The following CHMP3 variants were observed in gnomAD, a reference collection of about 807,000 sequenced individuals.
The protein encoded by CHMP3 is 25.1 protein.
Under a neutral mutation model 27.4 loss-of-function variants are expected in CHMP3, and 8 were observed. The ratio of observed to expected loss-of-function variants is 0.29; its 90% CI spans 0.17 to 0.53. The LOEUF (loss-of-function observed/expected upper bound fraction) is 0.53. CHMP3 is among the 20% of genes least tolerant of loss of function. The pLI, the probability that CHMP3 is intolerant of heterozygous loss-of-function variation, is 0.96. For synonymous variants in CHMP3, 86 were observed against 85.5 expected (o/e 1.01, Z -0.03); for missense variants, 208 against 271.5 (o/e 0.77, Z 1.64).
rs1202968627 is a variant in CHMP3, at chr2:86,514,481, C to A, written c.287-4002G>T. Among the ~76,000 whole-genome samples the A allele has an allele frequency of 8.5e-5, 13 of 152,272 alleles. No individual in the cohort carries two copies. The South Asian group carries it at 2.5e-3, about 29-fold the overall frequency. Reference sequence around the variant, plus strand: ...ACTATCCTCAAATAGACTGTACAAACCCATTAAGACCACAGTGGATTCACA... The same window carrying A: ...ACTATCCTCAAATAGACTGTACAAAACCATTAAGACCACAGTGGATTCACA... On this transcript the variant is annotated intron_variant, in intron 3 of 5. Transcript: ENST00000263856.
chr2:86,531,091 T>C (rs1173274742), intron 2 of CHMP3, among the ~76,000 whole-genome samples: 3 of 152,192 alleles, frequency 2.0e-5, no homozygotes, highest in Non-Finnish European at 4.4e-5. Flanking sequence ...ATCAGATAAA[T>C]GATTTGCAAA....
intron 2 of CHMP3, among the ~76,000 whole-genome samples, chr2:86,533,326 G>T (rs1675998823): frequency 6.6e-6 from 1 of 152,098 alleles, no homozygotes; most frequent in South Asian, 2.1e-4. Flanking sequence ...AGTCAATCTA[G>T]TTAAGGTGTA....
chr2:86,516,297 C>T (rs974590705), intron 3 of CHMP3, among the ~76,000 whole-genome samples: 1 of 151,792 alleles, frequency 6.6e-6, no homozygotes, highest in African/African-American at 2.4e-5. Flanking sequence ...AAATTAAAAA[C>T]CAGAAATAAA....
At chr2:86,554,771 G>A (rs1303868841) in intron 1 of CHMP3, among the ~76,000 whole-genome samples, 1 of 150,730 alleles carries the variant, frequency 6.6e-6, no homozygotes, top group Non-Finnish European at 1.5e-5. Flanking sequence ...TATTACACAA[G>A]GAAACAATCT....
At chr2:86,540,486 T>C (rs1465034649) in intron 2 of CHMP3, among the ~76,000 whole-genome samples, 1 of 152,172 alleles carries the variant, frequency 6.6e-6, no homozygotes, top group Non-Finnish European at 1.5e-5. Context: ...CCATGCATCA[T>C]ACCAGTTGTG....
chr2:86,542,640 T>A (rs1420403506), intron 1 of CHMP3: 1 of 195,688 alleles, frequency 5.1e-6, no homozygotes, highest in African/African-American at 2.3e-5. Context: ...TTTAAGAGCA[T>A]CAGAAAATTT....
chr2:86,543,602 C>G (rs566756079), intron 1 of CHMP3, among the ~76,000 whole-genome samples: 9 of 152,362 alleles, frequency 5.9e-5, no homozygotes, highest in African/African-American at 1.7e-4. Context: ...CATTTTAAAA[C>G]AATTACATAA....
intron 1 of CHMP3, among the ~76,000 whole-genome samples, chr2:86,555,097 C>T (rs563385018): frequency 6.1e-4 from 93 of 152,154 alleles, no homozygotes; most frequent in Non-Finnish European, 1.2e-3. Flanking sequence ...ATCTGCTCGC[C>T]CCAGCCTCCC....
intron 1 of CHMP3, among the ~76,000 whole-genome samples, chr2:86,544,661 G>A (rs1676495878): frequency 6.6e-6 from 1 of 152,156 alleles, no homozygotes; most frequent in Non-Finnish European, 1.5e-5. Context: ...CGGGTTTGGG[G>A]TAAGGTTATA....
At chr2:86,556,135 A>G (rs969301470) in intron 1 of CHMP3, among the ~76,000 whole-genome samples, 1 of 152,248 alleles carries the variant, frequency 6.6e-6, no homozygotes, top group Admixed American at 6.5e-5. Context: ...CATTTTTAAG[A>G]TAATTCCAGA....
At chr2:86,510,273 C>CCCCCCCCCACCA in intron 4 of CHMP3, 85 bp downstream of exon 4, 1 of 1,306,792 alleles carries the variant, frequency 7.7e-7, no homozygotes, top group Non-Finnish European at 1.1e-6. Flanking sequence ...TGTTCATCCC[C>CCCCCCCCCACCA]ACCCACCCTC....
intron 1 of CHMP3, among the ~76,000 whole-genome samples, chr2:86,551,738 C>A (rs1676913995): frequency 6.6e-6 from 1 of 152,256 alleles, no homozygotes; most frequent in Admixed American, 6.5e-5. Context: ...CAATTTCTCA[C>A]TGCCCTGGTA....
intron 1 of CHMP3, among the ~76,000 whole-genome samples, chr2:86,546,717 T>C (rs1573292028): frequency 1.3e-5 from 2 of 152,212 alleles, no homozygotes; most frequent in South Asian, 4.1e-4. Context: ...GGATTAAAGG[T>C]GTGAGCCACT....
intron 1 of CHMP3, among the ~76,000 whole-genome samples, chr2:86,559,498 T>C (rs1422570751): frequency 1.3e-5 from 2 of 152,232 alleles, no homozygotes; most frequent in Non-Finnish European, 2.9e-5. Context: ...CCCTGACTAA[T>C]ACACCATCCC....
chr2:86,529,408 A>G lies in CHMP3; in HGVS notation c.107-11T>C, dbSNP rs1405011756. 2 of 1,573,818 alleles carry G rather than the reference A, an allele frequency of 1.3e-6. No individual in the cohort carries two copies. Among genetic ancestry groups the G allele is most frequent in the Non-Finnish European group, 1.7e-6 (2 of 1,160,800 alleles). ...CTTCTCTTTGGATATCTAAATTTAG[A>G]ACAGAACACCAAAAATCAAGGGTAA... On this transcript the variant is annotated splice_polypyrimidine_tract_variant and intron_variant, in intron 2 of 5. Transcript: ENST00000263856.
chr2:86,556,961 A>G lies in CHMP3; in HGVS notation c.45+6343T>C, dbSNP rs75800243. On this transcript the variant is annotated intron_variant, in intron 1 of 5. Coordinates refer to ENST00000263856, the MANE Select transcript of CHMP3 (RefSeq NM_016079.4). ...TGACGAGCTCTTTACACTTCCTGAG[A>G]AAGTTCAACATTATGCCAGCCCAGT... 4.8e-3 allele frequency among the ~76,000 whole-genome samples: 738 copies of G among 152,338 alleles called. 11 individuals are homozygous for G. Among genetic ancestry groups the G allele is most frequent in the African/African-American group, 0.017 (695 of 41,570 alleles).
At chr2:86,526,018 G>A (rs1183729199) in intron 3 of CHMP3, among the ~76,000 whole-genome samples, 2 of 152,266 alleles carry the variant, frequency 1.3e-5, no homozygotes, top group East Asian at 1.9e-4. Flanking sequence ...TAGAGCCCTC[G>A]AGCACCTTAA....
At chr2:86,550,379 G>GGAGAGGGA (rs920960514) in intron 1 of CHMP3, among the ~76,000 whole-genome samples, 119 of 150,900 alleles carry the variant, frequency 7.9e-4, no homozygotes, top group African/African-American at 2.2e-3. Flanking sequence ...GAGACGGAGA[G>GGAGAGGGA]GAGAGGGAGA....
At chr2:86,537,624 A>C (rs910203880) in intron 2 of CHMP3, among the ~76,000 whole-genome samples, 1 of 152,192 alleles carries the variant, frequency 6.6e-6, no homozygotes, top group Admixed American at 6.5e-5. Context: ...CCCAGGGCTC[A>C]TCAGGTTTGG....
Sources: gnomAD v4.1 joint callset for allele counts (sites outside exome capture counted in the v4.1 genomes callset) on GRCh38, gnomAD v4.1.1 for gene constraint, MANE v1.5 for transcripts, NCBI Gene and HGNC (gene_info 2026-07-23, HGNC 2026-07-21) for gene names.